The following TCEA1 variants were observed in gnomAD, a reference collection of about 807,000 sequenced individuals.
TCEA1 encodes the protein transcription elongation factor A1.
In TCEA1, 21 loss-of-function variants were observed where a neutral mutation model predicts 43.8. The observed-to-expected ratio is 0.48, with a 90% CI of 0.34 to 0.69. The LOEUF is 0.69. TCEA1 is among the 30% of genes least tolerant of loss of function. The pLI, the probability that TCEA1 is intolerant of heterozygous loss-of-function variation, is 0.01. For synonymous variants in TCEA1, 104 were observed against 117.5 expected (o/e 0.88, Z 0.75); for missense variants, 250 against 365.1 (o/e 0.68, Z 2.57).
At chr8:54,007,922 C>T (rs1030825211) in intron 2 of TCEA1, among the ~76,000 whole-genome samples, 1 of 152,018 alleles carries the variant, frequency 6.6e-6, no homozygotes, top group African/African-American at 2.4e-5. Context: ...ACACTCATGC[C>T]TGTAATCCCA....
chr8:54,010,012 T>C (rs771451259), intron 2 of TCEA1: 11 of 178,802 alleles, frequency 6.2e-5, no homozygotes, highest in Non-Finnish European at 8.1e-5. Context: ...ACATCAACTG[T>C]GTACATGCTT....
At chr8:54,011,687 A>G (rs957419647) in intron 1 of TCEA1, among the ~76,000 whole-genome samples, 3 of 152,238 alleles carry the variant, frequency 2.0e-5, no homozygotes, top group African/African-American at 7.2e-5. Flanking sequence ...AACACGCCAA[A>G]GGAAAAAGCG....
intron 2 of TCEA1, among the ~76,000 whole-genome samples, chr8:54,002,475 A>T (rs1364051862): frequency 6.6e-6 from 1 of 151,996 alleles, no homozygotes; most frequent in Non-Finnish European, 1.5e-5. Flanking sequence ...TCTCAAAAAA[A>T]AAAAGAAAAA....
intron 3 of TCEA1, 51 bp downstream of exon 3, chr8:53,999,891 CTAT>C (rs1804200009): frequency 8.4e-7 from 1 of 1,194,046 alleles, no homozygotes; most frequent in Admixed American, 2.0e-5. Context: ...TAACCATTAA[CTAT>C]TTGAATAAAT....
Position 53,998,203 on chromosome 8 carries a change from C to T in TCEA1, c.232+1742G>A, listed in dbSNP as rs1469659456. 1.3e-5 allele frequency among the ~76,000 whole-genome samples: 2 copies of T among 152,128 alleles called. 1 individual carries two copies. Among genetic ancestry groups the T allele is most frequent in the Non-Finnish European group, 2.9e-5 (2 of 68,026 alleles). On this transcript the variant is annotated intron_variant, in intron 3 of 9. Coordinates refer to ENST00000521604, the MANE Select transcript of TCEA1 (RefSeq NM_006756.4). ...CATGCCCCCACACATACACTAGCGC[C>T]AGTAAAAACTGATGAAATCTGAATA...
chr8:54,005,221 A>T (rs889392470), intron 2 of TCEA1, among the ~76,000 whole-genome samples: 31 of 152,184 alleles, frequency 2.0e-4, no homozygotes, highest in Non-Finnish European at 1.5e-5. Flanking sequence ...TATATTCTAG[A>T]GCTGTTTACA....
At chr8:53,978,065 A>G (rs1803386778) in intron 8 of TCEA1, among the ~76,000 whole-genome samples, 1 of 152,120 alleles carries the variant, frequency 6.6e-6, no homozygotes, top group Non-Finnish European at 1.5e-5. Flanking sequence ...TGAAAGTATA[A>G]ATATATCAAC....
At chr8:54,021,993 A>C in intron 1 of TCEA1, 70 bp downstream of exon 1, 3 of 1,320,214 alleles carry the variant, frequency 2.3e-6, no homozygotes, top group Non-Finnish European at 9.8e-7. Context: ...AGAAGGAGGG[A>C]GGGGGCGGCC....
chr8:54,004,725 A>G (rs1804383856), intron 2 of TCEA1, among the ~76,000 whole-genome samples: 1 of 152,118 alleles, frequency 6.6e-6, no homozygotes, highest in African/African-American at 2.4e-5. Context: ...ACAATGAATC[A>G]TACACTTTAA....
chr8:54,009,673 A>C (rs1804586808), intron 2 of TCEA1: 1 of 152,246 alleles, frequency 6.6e-6, no homozygotes, highest in Admixed American at 6.5e-5. Context: ...AGGGTGCGTA[A>C]GTGAGGCAAG....
At chr8:53,974,766 G>A (rs948200709) in intron 8 of TCEA1, among the ~76,000 whole-genome samples, 5 of 152,110 alleles carry the variant, frequency 3.3e-5, no homozygotes, top group Non-Finnish European at 7.4e-5. Context: ...CTGACCTCAG[G>A]TGATCCGCCT....
intron 8 of TCEA1, chr8:53,973,150 A>T (rs1803216733): frequency 3.6e-6 from 2 of 552,322 alleles, no homozygotes; most frequent in East Asian, 7.6e-5. Flanking sequence ...AATGTAGAAG[A>T]AGATGGGAAA....
intron 1 of TCEA1, chr8:54,021,594 A>G (rs575177405): frequency 6.5e-6 from 1 of 153,264 alleles, no homozygotes; most frequent in South Asian, 2.1e-4. Flanking sequence ...CCTCTTCAAA[A>G]ATAAGACACA....
chr8:54,012,053 G>A (rs1490860457), intron 1 of TCEA1, among the ~76,000 whole-genome samples: 2 of 152,112 alleles, frequency 1.3e-5, no homozygotes, highest in African/African-American at 2.4e-5. Flanking sequence ...GACTTAAAAC[G>A]TATTATTAAA....
intron 6 of TCEA1, 48 bp from the exon 7 acceptor site, chr8:53,984,565 C>T: frequency 6.8e-7 from 1 of 1,462,496 alleles, no homozygotes; most frequent in Non-Finnish European, 9.1e-7. Flanking sequence ...AGTAAGATCA[C>T]TTTTTTTTCC....
intron 4 of TCEA1, among the ~76,000 whole-genome samples, chr8:53,991,576 C>T (rs184103960): frequency 6.6e-6 from 1 of 151,762 alleles, no homozygotes; most frequent in East Asian, 1.9e-4. Context: ...TGCCTGTAAT[C>T]CCAGCTACTT....
intron 2 of TCEA1, among the ~76,000 whole-genome samples, chr8:54,006,570 T>C (rs1804468280): frequency 6.6e-6 from 1 of 152,224 alleles, no homozygotes; most frequent in Non-Finnish European, 1.5e-5. Context: ...TGCTCATAAA[T>C]ATTAACCCTA....
rs577420956 is a variant in TCEA1, at chr8:53,968,064, G to T, written c.*40C>A. On this transcript the variant is annotated 3_prime_UTR_variant, in exon 10 of 10. Coordinates refer to ENST00000521604, the MANE Select transcript of TCEA1 (RefSeq NM_006756.4). ...TAGTTTAAAGCTAGTTACAAAATCC[G>T]TTTTCTTAATGGTCCAGATATTTTG... The T allele has an allele frequency of 5.9e-6, 9 of 1,517,978 alleles. No individual in the cohort carries two copies. The African/African-American group carries it at 1.2e-4, about 21-fold the overall frequency. The allele number at this position is 1,517,978 out of a possible 1,614,324, so 94.0% of individuals were successfully genotyped here.
chr8:53,989,422 T>C (rs1245945408), intron 4 of TCEA1, among the ~76,000 whole-genome samples: 1 of 152,228 alleles, frequency 6.6e-6, no homozygotes, highest in African/African-American at 2.4e-5. Flanking sequence ...TTTGCTGCAA[T>C]GCTACAAGAA....
Sources: gnomAD v4.1 joint callset for allele counts (sites outside exome capture counted in the v4.1 genomes callset) on GRCh38, gnomAD v4.1.1 for gene constraint, MANE v1.5 for transcripts, NCBI Gene and HGNC (gene_info 2026-07-23, HGNC 2026-07-21) for gene names.